The following CNTNAP2 variants were observed in gnomAD, a reference collection of about 807,000 sequenced individuals.
CNTNAP2 encodes contactin-associated protein-like 2.
A neutral mutation model predicts 155.2 loss-of-function variants in CNTNAP2; 98 were observed. That is an observed-to-expected ratio of 0.63 (90% CI 0.54 to 0.75). The LOEUF is 0.75. Among genes scored for constraint, CNTNAP2 ranks in the 30% least tolerant of loss-of-function variants. The pLI is 0.00. For synonymous variants in CNTNAP2, 651 were observed against 631.2 expected, an observed-to-expected ratio of 1.03 and a Z score of -0.47; for missense variants, 1,727 against 1,688.1, an observed-to-expected ratio of 1.02 and a Z score of -0.40.
At chr7:148,365,125 G>A (rs1460974438) in intron 21 of CNTNAP2, among the ~76,000 whole-genome samples, 4 of 152,168 alleles carry the variant, frequency 2.6e-5, no homozygotes, top group African/African-American at 9.7e-5. Context: ...CTTTCACCTG[G>A]CTCAGAGCTC....
intron 1 of CNTNAP2, among the ~76,000 whole-genome samples, chr7:146,204,391 C>CT (rs1798914813): frequency 6.6e-6 from 1 of 151,954 alleles, no homozygotes; most frequent in Admixed American, 6.6e-5. Flanking sequence ...ATAGGTATAC[C>CT]TTTTTTTATT....
chr7:146,862,237 T>C lies in CNTNAP2; in HGVS notation c.402+22333T>C, dbSNP rs891208842. Among the ~76,000 whole-genome samples, 22 of 152,330 alleles carry C rather than the reference T, an allele frequency of 1.4e-4. No homozygotes were observed. The Middle Eastern group carries it at 0.01, about 71-fold the overall frequency. On this transcript the variant is annotated intron_variant, in intron 3 of 23. Transcript: ENST00000361727. ...GGGTTAAAGTACTTAGCGTTTGATA[T>C]ATTGAATTAATTCTTTACTTAAATC...
At chr7:146,327,591 A>G (rs1011001111) in intron 1 of CNTNAP2, among the ~76,000 whole-genome samples, 2 of 152,238 alleles carry the variant, frequency 1.3e-5, no homozygotes, top group African/African-American at 4.8e-5. Context: ...TTCATTGCTT[A>G]TCAACAAATG....
At chr7:147,110,019 G>C (rs1247906603) in intron 5 of CNTNAP2, among the ~76,000 whole-genome samples, 1 of 152,058 alleles carries the variant, frequency 6.6e-6, no homozygotes, top group East Asian at 1.9e-4. Flanking sequence ...CTGCCTCCCA[G>C]GCTTAAGTGA....
intron 13 of CNTNAP2, among the ~76,000 whole-genome samples, chr7:147,877,002 T>C (rs929974999): frequency 2.0e-5 from 3 of 151,970 alleles, no homozygotes; most frequent in Non-Finnish European, 2.9e-5. Flanking sequence ...TGGATGCAAA[T>C]TGATAGCAGG....
chr7:146,736,427 G>T (rs529502951), intron 1 of CNTNAP2, among the ~76,000 whole-genome samples: 4 of 152,244 alleles, frequency 2.6e-5, no homozygotes, highest in South Asian at 4.1e-4. Context: ...TTTGAGGATT[G>T]ATTATTTCCT....
At chr7:146,646,885 A>G (rs1272334409) in intron 1 of CNTNAP2, among the ~76,000 whole-genome samples, 1 of 152,170 alleles carries the variant, frequency 6.6e-6, no homozygotes, top group African/African-American at 2.4e-5. Flanking sequence ...GGGGAAAAAG[A>G]GCAAAAATTA....
chr7:147,036,651 T>C (rs796789084), intron 3 of CNTNAP2, among the ~76,000 whole-genome samples: 1 of 152,176 alleles, frequency 6.6e-6, no homozygotes, highest in Non-Finnish European at 1.5e-5. Context: ...TGTAAATGGA[T>C]TTTTTATTCT....
At chr7:147,898,275 C>A (rs1799805649) in intron 13 of CNTNAP2, among the ~76,000 whole-genome samples, 1 of 152,158 alleles carries the variant, frequency 6.6e-6, no homozygotes, top group African/African-American at 2.4e-5. Flanking sequence ...AAATCACCCA[C>A]CTGTTAACAA....
chr7:147,942,588 A>G (rs1800745230), intron 14 of CNTNAP2, among the ~76,000 whole-genome samples: 1 of 152,304 alleles, frequency 6.6e-6, no homozygotes, highest in Admixed American at 6.5e-5. Flanking sequence ...AGCACTGCTC[A>G]ATATTTTAGA....
At chr7:146,726,365 A>G (rs188447577) in intron 1 of CNTNAP2, among the ~76,000 whole-genome samples, 3 of 152,254 alleles carry the variant, frequency 2.0e-5, no homozygotes, top group Non-Finnish European at 4.4e-5. Flanking sequence ...TAATGGGGGT[A>G]AATAAAATAA....
intron 2 of CNTNAP2, among the ~76,000 whole-genome samples, chr7:146,817,611 T>C (rs990598831): frequency 1.3e-5 from 2 of 152,080 alleles, no homozygotes; most frequent in East Asian, 3.9e-4. Context: ...CTTACAATCA[T>C]GGAAGAAGAC....
intron 1 of CNTNAP2, among the ~76,000 whole-genome samples, chr7:146,496,306 G>A (rs907279574): frequency 6.6e-6 from 1 of 152,136 alleles, no homozygotes; most frequent in African/African-American, 2.4e-5. Context: ...TAAAGGAAAG[G>A]AAAGTTAGAA....
chr7:146,887,824 T>C (rs1306236819), intron 3 of CNTNAP2, among the ~76,000 whole-genome samples: 1 of 152,138 alleles, frequency 6.6e-6, no homozygotes, highest in Non-Finnish European at 1.5e-5. Context: ...ACTTCACAGG[T>C]CATTTCCTTG....
chr7:148,153,255 A>C, intron 17 of CNTNAP2, among the ~76,000 whole-genome samples: 1 of 151,280 alleles, frequency 6.6e-6, no homozygotes, highest in Non-Finnish European at 1.5e-5. Flanking sequence ...AAAAAAAAAC[A>C]GAGAAGACAC....
At chr7:146,132,901 G>A (rs1365138291) in intron 1 of CNTNAP2, among the ~76,000 whole-genome samples, 1 of 149,094 alleles carries the variant, frequency 6.7e-6, no homozygotes, top group East Asian at 2.0e-4. Context: ...ATAGCAGCAT[G>A]ATTTATAGTC....
At chr7:146,712,266 T>A (rs1343050183) in intron 1 of CNTNAP2, among the ~76,000 whole-genome samples, 7 of 135,436 alleles carry the variant, frequency 5.2e-5, no homozygotes, top group Admixed American at 3.7e-4. Flanking sequence ...TGTATACATA[T>A]CTTATGTATA....
Position 146,882,511 on chromosome 7 carries a change from CT to C in CNTNAP2, c.402+42608del, listed in dbSNP as rs201691578. ...ATGGTTTTATAAAGGCCTTTCCCCC[CT>C]CTTCACCCTGCATTTCTCTCTCCTG... On this transcript the variant is annotated intron_variant, in intron 3 of 23. Coordinates refer to ENST00000361727, the MANE Select transcript of CNTNAP2 (RefSeq NM_014141.6). Among the ~76,000 whole-genome samples, 1,437 of 152,126 alleles carry C rather than the reference CT, an allele frequency of 9.4e-3. 20 individuals carry two copies. Among genetic ancestry groups the C allele is most frequent in the African/African-American group, 0.033 (1,388 of 41,526 alleles).
intron 10 of CNTNAP2, among the ~76,000 whole-genome samples, chr7:147,484,735 G>C (rs1798482128): frequency 6.6e-6 from 1 of 152,246 alleles, no homozygotes; most frequent in Admixed American, 6.5e-5. Flanking sequence ...GTTGGAGAAT[G>C]CTATTTCTGA....
Sources: gnomAD v4.1 joint callset for allele counts (sites outside exome capture counted in the v4.1 genomes callset) on GRCh38, gnomAD v4.1.1 for gene constraint, MANE v1.5 for transcripts, NCBI Gene and HGNC (gene_info 2026-07-23, HGNC 2026-07-21) for gene names.